The following CPSF4 variants were observed in gnomAD, a reference collection of about 807,000 sequenced individuals.
CPSF4 encodes cleavage and polyadenylation specificity factor subunit 4.
In CPSF4, 11 loss-of-function variants were observed where a neutral mutation model predicts 37.7. The ratio of observed to expected loss-of-function variants is 0.29; its 90% CI spans 0.18 to 0.48. The LOEUF (loss-of-function observed/expected upper bound fraction) is 0.48. CPSF4 is among the 20% of genes least tolerant of loss of function. The pLI, the probability that CPSF4 is intolerant of heterozygous loss-of-function variation, is 0.99. For synonymous variants in CPSF4, 132 were observed against 135.9 expected (o/e 0.97, Z 0.20); for missense variants, 144 against 359.5 (o/e 0.40, Z 4.85).
Position 99,439,157 on chromosome 7 carries a change from G to T in CPSF4, c.75G>T (p.Ala25=). Residue 25 remains alanine (A), a synonymous_variant, in exon 1 of 8, where the codon GCG becomes GCT. Transcript: ENST00000292476. ...TCGCGGTGGAGCAGCAGCTGGGGGCGCAGCCGCTGCCCTTCCCCGGCATGG... is the reference window on the plus strand; with the variant it reads ...TCGCGGTGGAGCAGCAGCTGGGGGCTCAGCCGCTGCCCTTCCCCGGCATGG... The part of the protein sequence containing the change: ...LEIAVEQQLG[A]QPLPFPGMDK... 6.2e-7 allele frequency: 1 copy of T among 1,607,642 alleles called. No homozygotes were observed.
intron 1 of CPSF4, among the ~76,000 whole-genome samples, chr7:99,444,199 G>A (rs1797281694): frequency 6.6e-6 from 1 of 151,804 alleles, no homozygotes; most frequent in Non-Finnish European, 1.5e-5. Context: ...CTCAACGCCT[G>A]TAATCCCAGC....
chr7:99,442,607 G>A (rs1284985432), intron 1 of CPSF4, among the ~76,000 whole-genome samples: 10 of 126,476 alleles, frequency 7.9e-5, no homozygotes, highest in South Asian at 2.6e-4. Context: ...GCAGTGAGCC[G>A]AGATCACACC....
At chr7:99,440,677 T>TTTTTTTTTTG (rs1796891327) in intron 1 of CPSF4, among the ~76,000 whole-genome samples, 2 of 121,850 alleles carry the variant, frequency 1.6e-5, no homozygotes, top group Admixed American at 8.3e-5. Flanking sequence ...TATATATATT[T>TTTTTTTTTTG]TTTTTTTTTT....
At chr7:99,450,595 C>A in intron 4 of CPSF4, 107 bp from the exon 5 acceptor site, 2 of 963,968 alleles carry the variant, frequency 2.1e-6, no homozygotes, top group South Asian at 1.4e-5. Context: ...GAGGTGAGGT[C>A]CCTGCCCCGT....
chr7:99,452,319 G>T, intron 5 of CPSF4, 49 bp from the exon 6 acceptor site: 1 of 1,496,388 alleles, frequency 6.7e-7, no homozygotes, highest in South Asian at 1.1e-5. Flanking sequence ...CTCATCCCCT[G>T]ACCCCACTCC....
chr7:99,448,284 T>G lies in CPSF4; in HGVS notation c.307+11T>G. On this transcript the variant is annotated intron_variant, in intron 3 of 7. Transcript: ENST00000292476. The surrounding 1 kb of genome is among the most constrained non-coding windows in gnomAD (Gnocchi z 4.4). ...TCTACTCCAAGTTCGGTAAGGCGCC[T>G]GGAGCCCTGGAGGCTCTGCTGAGAA... The G allele has an allele frequency of 6.2e-7, 1 of 1,613,678 alleles. No homozygotes were observed. Among genetic ancestry groups the G allele is most frequent in the Non-Finnish European group, 8.5e-7 (1 of 1,179,778 alleles).
intron 7 of CPSF4, 89 bp from the exon 8 acceptor site, chr7:99,456,343 G>A (rs1275978339): frequency 1.8e-6 from 2 of 1,141,960 alleles, no homozygotes; most frequent in Non-Finnish European, 1.3e-6. Context: ...GATGATTTGG[G>A]ATTTGGTGGG....
At chr7:99,443,417 G>A in intron 1 of CPSF4, 1 of 1,446,028 alleles carries the variant, frequency 6.9e-7, no homozygotes, top group South Asian at 1.1e-5. Flanking sequence ...TTATTCCCTT[G>A]GTCTCCAAAC....
At chr7:99,442,655 C>CAAAAAAAAAA (rs751146641) in intron 1 of CPSF4, among the ~76,000 whole-genome samples, 25 of 52,414 alleles carry the variant, frequency 4.8e-4, no homozygotes, top group African/African-American at 8.5e-4. Context: ...GACTCCGTCT[C>CAAAAAAAAAA]AAAAAAAAAA....
chr7:99,449,413 A>G (rs912178400), intron 3 of CPSF4, among the ~76,000 whole-genome samples: 11 of 152,242 alleles, frequency 7.2e-5, no homozygotes, highest in African/African-American at 2.4e-4. Flanking sequence ...GGGATGGGGC[A>G]GTGGCCTCCC....
In CPSF4 at chr7:99,453,887, C is replaced by A; in HGVS notation, c.571-79C>A. On this transcript the variant is annotated intron_variant, in intron 6 of 7. Coordinates refer to ENST00000292476, the MANE Select transcript of CPSF4 (RefSeq NM_006693.4). This position sits in a 1 kb window ranked among gnomAD's most constrained non-coding sequence, Gnocchi z 4.7. ...CTGCCGTTTGCGGGACGAGTCCCGC[C>A]CTCTTTTTTCCTGTCCCCATCGGTA... 7.1e-7 allele frequency: 1 copy of A among 1,409,602 alleles called. No homozygotes were observed. Among genetic ancestry groups the A allele is most frequent in the Non-Finnish European group, 9.9e-7 (1 of 1,014,580 alleles). 87.3% of individuals were successfully genotyped at this position (1,409,602 alleles called of 1,614,324 possible). A position where few individuals can be genotyped will look rare whatever the true frequency, so the allele number is the denominator to read the frequency against.
At position 99,456,629 on chromosome 7, in the gene CPSF4, T is replaced by C. The variant is rs753479616; in HGVS notation, c.*129T>C. On this transcript the variant is annotated 3_prime_UTR_variant, in exon 8 of 8. Transcript: ENST00000292476. Reference sequence around the variant, plus strand: ...CGCAGACACGTGGGTTTCATCACTCTGAGGGGCCACGTCTGTTAGTTTCCT... The same window carrying C: ...CGCAGACACGTGGGTTTCATCACTCCGAGGGGCCACGTCTGTTAGTTTCCT... 1 of 758,034 alleles carries C rather than the reference T, an allele frequency of 1.3e-6. No individual in the cohort carries two copies. The highest frequency in any genetic ancestry group is 1.4e-5 in the South Asian group (1 of 69,008). 47.0% of individuals were successfully genotyped at this position (758,034 alleles called of 1,614,324 possible).
chr7:99,441,013 C>T (rs1332560007), intron 1 of CPSF4, among the ~76,000 whole-genome samples: 2 of 142,070 alleles, frequency 1.4e-5, no homozygotes, highest in African/African-American at 5.4e-5. Flanking sequence ...TGCAATGGTG[C>T]GATCTCGGCT....
intron 2 of CPSF4, among the ~76,000 whole-genome samples, chr7:99,446,821 C>CTTTT (rs1797543686): frequency 5.4e-5 from 4 of 73,558 alleles, no homozygotes; most frequent in African/African-American, 6.0e-5. Context: ...CGGAGTTTTG[C>CTTTT]TCTTGTTGCC....
chr7:99,440,667 TATATATA>T (rs150711808), intron 1 of CPSF4, among the ~76,000 whole-genome samples: 5 of 108,148 alleles, frequency 4.6e-5, no homozygotes, highest in African/African-American at 3.1e-4. Context: ...TATATATATA[TATATATA>T]TTTTTTTTTT....
rs1465161759 is a variant in CPSF4, at chr7:99,440,672, ATATTT to A, written c.103+1489_103+1493del. On this transcript the variant is annotated intron_variant, in intron 1 of 7. Transcript: ENST00000292476. ...GCACCTGGCATATATATATATATAT[ATATTT>A]TTTTTTTTTTTTTTTTCCTGCCTGT... Among the ~76,000 whole-genome samples the A allele has an allele frequency of 4.5e-3, 371 of 81,920 alleles. 16 individuals carry two copies. The highest frequency in any genetic ancestry group is 0.04 in the African/African-American group (298 of 7,524). 53.7% of individuals were successfully genotyped at this position (81,920 alleles called of 152,430 possible).
intron 5 of CPSF4, among the ~76,000 whole-genome samples, chr7:99,452,110 C>T (rs1389761339): frequency 1.3e-5 from 2 of 152,116 alleles, no homozygotes; most frequent in African/African-American, 4.8e-5. Flanking sequence ...ATGAGTCTCC[C>T]AGCTCGGTGT....
In CPSF4 at chr7:99,440,458, C is replaced by T. The variant is rs115271906; in HGVS notation, c.103+1273C>T. Among the ~76,000 whole-genome samples, 868 of 151,874 alleles carry T rather than the reference C, an allele frequency of 5.7e-3. 10 individuals carry two copies. Among genetic ancestry groups the T allele is most frequent in the African/African-American group, 0.02 (814 of 41,320 alleles). ...CGACTTCCCAGGCTCCAGCAATCCTCCCACCTCAGTCTCCCAAGTAGCTGG... is the reference window on the plus strand; with the variant it reads ...CGACTTCCCAGGCTCCAGCAATCCTTCCACCTCAGTCTCCCAAGTAGCTGG... On this transcript the variant is annotated intron_variant, in intron 1 of 7. Coordinates refer to ENST00000292476, the MANE Select transcript of CPSF4 (RefSeq NM_006693.4).
chr7:99,440,664 A>ATG (rs2150972974), intron 1 of CPSF4, among the ~76,000 whole-genome samples: 1 of 88,972 alleles, frequency 1.1e-5, no homozygotes, highest in Non-Finnish European at 1.8e-5. Context: ...GCATATATAT[A>ATG]TATATATATA....
Sources: allele counts gnomAD v4.1 joint callset (sites outside exome capture counted in the v4.1 genomes callset), GRCh38; gene constraint gnomAD v4.1.1; non-coding constraint Gnocchi (gnomAD v3.1); transcripts MANE v1.5; gene names NCBI Gene and HGNC (gene_info 2026-07-23, HGNC 2026-07-21).